Variants in TP53BP1 observed in about 807,000 individuals in gnomAD.
TP53BP1 encodes the protein TP53-binding protein 1.
A neutral mutation model predicts 200.8 loss-of-function variants in TP53BP1; 61 were observed. That is an observed-to-expected ratio of 0.30 (90% CI 0.25 to 0.38). The LOEUF (loss-of-function observed/expected upper bound fraction) is 0.38. Among genes scored for constraint, TP53BP1 ranks in the 10% least tolerant of loss-of-function variants. The pLI, the probability that TP53BP1 is intolerant of heterozygous loss-of-function variation, is 1.00. For synonymous variants in TP53BP1, 822 were observed against 844.3 expected, an observed-to-expected ratio of 0.97 and a Z score of 0.46; for missense variants, 2,144 against 2,371.9, an observed-to-expected ratio of 0.90 and a Z score of 2.00.
intron 14 of TP53BP1, among the ~76,000 whole-genome samples, chr15:43,442,566 C>G (rs531445161): frequency 1.3e-5 from 2 of 151,680 alleles, no homozygotes; most frequent in Non-Finnish European, 2.9e-5. Context: ...GGCGTAATCT[C>G]GACTTGCTGC....
rs369652943 is a variant in TP53BP1 at position 43,480,891 on chromosome 15, C to A, written c.499+4G>T. 2 of 1,613,930 alleles carry A rather than the reference C, an allele frequency of 1.2e-6. No homozygotes were observed. The highest frequency in any genetic ancestry group is 1.3e-5 in the African/African-American group (1 of 74,922). ...CTATTATTCTGAAAAAAGCACAAGG[C>A]TACCTTCAGCACCAAGGGAATGTGT... On this transcript the variant is annotated splice_donor_region_variant and intron_variant, in intron 5 of 27. Coordinates refer to ENST00000382044, the MANE Select transcript of TP53BP1 (RefSeq NM_001141980.3).
At chr15:43,433,588 GA>G in intron 16 of TP53BP1, among the ~76,000 whole-genome samples, 1 of 152,282 alleles carries the variant, frequency 6.6e-6, no homozygotes, top group South Asian at 2.1e-4. Flanking sequence ...AATGTTCTCT[GA>G]ATCAATTAAT....
Position 43,432,520 on chromosome 15 carries a change from G to GTGA in TP53BP1, c.3348_3349insTCA (p.Gly1116_Pro1117insSer). The GTGA allele has an allele frequency of 6.2e-7, 1 of 1,614,090 alleles. No individual in the cohort carries two copies. The highest frequency in any genetic ancestry group is 8.5e-7 in the Non-Finnish European group (1 of 1,180,008). ...ATTGCCTCTCCTTGAGGACTGGATG[G>GTGA]CCCTTGTATGACCATCTTCTGGGAA... is the stretch of plus-strand genomic sequence containing the variant. On this transcript the variant is annotated inframe_insertion, in exon 17 of 28. Coordinates refer to ENST00000382044, the MANE Select transcript of TP53BP1 (RefSeq NM_001141980.3).
chr15:43,460,087 C>T (rs1354247603), intron 11 of TP53BP1, among the ~76,000 whole-genome samples: 2 of 151,926 alleles, frequency 1.3e-5, no homozygotes, highest in South Asian at 2.1e-4. Context: ...AAAACATACA[C>T]GTAAAATAAT....
chr15:43,490,355 T>C (rs1274672875), intron 4 of TP53BP1, among the ~76,000 whole-genome samples: 1 of 152,014 alleles, frequency 6.6e-6, no homozygotes, highest in African/African-American at 2.4e-5. Context: ...CCCGAAGTGC[T>C]GGGATTACAG....
In TP53BP1 at chr15:43,404,387, T is replaced by A. The variant is rs1355642300; in HGVS notation, c.*2996A>T. On this transcript the variant is annotated 3_prime_UTR_variant, in exon 28 of 28. Coordinates refer to ENST00000382044, the MANE Select transcript of TP53BP1 (RefSeq NM_001141980.3). Reference sequence around the variant, plus strand: ...GGAGAGTTGGTGAGCTGAAGTGGAATGACAGCTGAGTCCTTCTCTCTGCAG... The same window carrying A: ...GGAGAGTTGGTGAGCTGAAGTGGAAAGACAGCTGAGTCCTTCTCTCTGCAG... 3 of 1,613,410 alleles carry A rather than the reference T, an allele frequency of 1.9e-6. No individual in the cohort carries two copies. Among genetic ancestry groups the A allele is most frequent in the Non-Finnish European group, 2.5e-6 (3 of 1,179,660 alleles).
At chr15:43,491,367 C>CT (rs1171997709) in intron 4 of TP53BP1, among the ~76,000 whole-genome samples, 1 of 152,166 alleles carries the variant, frequency 6.6e-6, no homozygotes, top group Non-Finnish European at 1.5e-5. Context: ...AGGCATGAGC[C>CT]ACCATGCCTG....
chr15:43,415,202 C>CCTTT, intron 23 of TP53BP1: 1 of 187,360 alleles, frequency 5.3e-6, no homozygotes, highest in Non-Finnish European at 1.1e-5. Flanking sequence ...TCCTGGCCTT[C>CCTTT]TTTTTTTTTT....
Position 43,403,696 on chromosome 15 carries a change from T to C in TP53BP1, c.*3687A>G. ...TTTCCCGGGTAGGTGTTTCACTGCC[T>C]GAATGAAATCCTAGATCTCTGTCAC... is the stretch of plus-strand genomic sequence containing the variant. On this transcript the variant is annotated 3_prime_UTR_variant, in exon 28 of 28. Transcript: ENST00000382044. 1 of 1,612,470 alleles carries C rather than the reference T, an allele frequency of 6.2e-7. No homozygotes were observed. Among genetic ancestry groups the C allele is most frequent in the South Asian group, 1.1e-5 (1 of 90,944 alleles).
At chr15:43,449,180 G>C (rs16957736) in intron 12 of TP53BP1, among the ~76,000 whole-genome samples, 1,712 of 152,162 alleles carry the variant, frequency 0.011, 26 homozygotes, top group African/African-American at 0.039. Context: ...TATGGATGAA[G>C]AATCTCAACA....
chr15:43,489,891 G>A lies in TP53BP1; in HGVS notation c.371+1778C>T, dbSNP rs1223869063. Among the ~76,000 whole-genome samples, 6 of 152,064 alleles carry A rather than the reference G, an allele frequency of 3.9e-5. No homozygotes were observed. In the East Asian group the frequency reaches 9.6e-4, roughly 24 times the overall value. On this transcript the variant is annotated intron_variant, in intron 4 of 27. Transcript: ENST00000382044. ...AAAAAAAATTACGTACAGACACAGAGTGTAAAATAAAACACACCTCCAAAA... is the reference window on the plus strand; with the variant it reads ...AAAAAAAATTACGTACAGACACAGAATGTAAAATAAAACACACCTCCAAAA...
In TP53BP1 at chr15:43,470,017, A is replaced by C. The variant is rs763839898; in HGVS notation, c.1230T>G (p.Phe410Leu). The C allele has an allele frequency of 6.2e-7, 1 of 1,613,626 alleles. No homozygotes were observed. The highest frequency in any genetic ancestry group is 2.2e-5 in the East Asian group (1 of 44,882). The change falls in exon 11 of 28, where the codon TTT becomes TTG. Residue 410 changes from phenylalanine (F) to leucine (L), a missense_variant. Coordinates refer to ENST00000382044, the MANE Select transcript of TP53BP1 (RefSeq NM_001141980.3). ...GTTCACCACTTTGAAGTTTCTTCTG[A>C]AAAGGCTCTCCTCCTTCTTCAGATA... is the stretch of plus-strand genomic sequence containing the variant. The part of the protein sequence containing the change: ...SVLSEEGGEP[F>L]QKKLQSGEPV...
intron 10 of TP53BP1, among the ~76,000 whole-genome samples, chr15:43,471,004 T>C (rs1383542670): frequency 2.6e-5 from 4 of 152,236 alleles, no homozygotes; most frequent in African/African-American, 9.6e-5. Context: ...ATAGCTGTGC[T>C]AAGTATTTTT....
At chr15:43,481,813 CAAA>C (rs34854110) in intron 4 of TP53BP1, among the ~76,000 whole-genome samples, 8 of 111,692 alleles carry the variant, frequency 7.2e-5, no homozygotes, top group Admixed American at 1.9e-4. Flanking sequence ...GACTCTGTCT[CAAA>C]AAAAAAAAAA....
chr15:43,448,471 T>C (rs1289570042), intron 12 of TP53BP1, among the ~76,000 whole-genome samples: 1 of 152,134 alleles, frequency 6.6e-6, no homozygotes, highest in Non-Finnish European at 1.5e-5. Context: ...TTCTTTCATC[T>C]TTTTCCACTC....
In TP53BP1 at chr15:43,405,345, A is replaced by G. The variant is rs1316862674; in HGVS notation, c.*2038T>C. The G allele has an allele frequency of 1.9e-6, 2 of 1,029,676 alleles. No individual in the cohort carries two copies. The highest frequency in any genetic ancestry group is 3.2e-5 in the African/African-American group (2 of 62,314). 63.8% of individuals were successfully genotyped at this position (1,029,676 alleles called of 1,614,324 possible). On this transcript the variant is annotated 3_prime_UTR_variant, in exon 28 of 28. Transcript: ENST00000382044. ...GTGATAGGACTCTACCTTTTCTCCTAGAAGCAGTTACTGAACATCCAGGAG... is the reference window on the plus strand; with the variant it reads ...GTGATAGGACTCTACCTTTTCTCCTGGAAGCAGTTACTGAACATCCAGGAG...
chr15:43,461,829 C>T (rs147881681), intron 11 of TP53BP1, among the ~76,000 whole-genome samples: 3,742 of 151,486 alleles, frequency 0.025, 160 homozygotes, highest in African/African-American at 0.087. Flanking sequence ...CCACCACACC[C>T]GGCTAATTTT....
intron 16 of TP53BP1, among the ~76,000 whole-genome samples, chr15:43,433,606 A>G (rs895468310): frequency 6.6e-6 from 1 of 152,220 alleles, no homozygotes; most frequent in South Asian, 2.1e-4. Flanking sequence ...TAATTGCAAA[A>G]TCTACTCAGA....
At chr15:43,455,517 C>T (rs531317349) in intron 12 of TP53BP1, among the ~76,000 whole-genome samples, 10 of 152,004 alleles carry the variant, frequency 6.6e-5, no homozygotes, top group Non-Finnish European at 1.3e-4. Flanking sequence ...GTCAGGAGTT[C>T]GAGACTAGCC....
Sources: gnomAD v4.1 joint callset for allele counts (sites outside exome capture counted in the v4.1 genomes callset) on GRCh38, gnomAD v4.1.1 for gene constraint, MANE v1.5 for transcripts, NCBI Gene and HGNC (gene_info 2026-07-23, HGNC 2026-07-21) for gene names.